Variants in SRGAP3 observed in about 807,000 individuals in gnomAD.
SRGAP3 encodes the protein SLIT-ROBO Rho GTPase activating protein 3, also known as SLIT-ROBO Rho GTPase-activating protein 3.
Under a neutral mutation model 121.1 loss-of-function variants are expected in SRGAP3, and 39 were observed. The ratio of observed to expected loss-of-function variants is 0.32; its 90% CI spans 0.25 to 0.42. The LOEUF is 0.42. Among genes scored for constraint, SRGAP3 ranks in the 10% least tolerant of loss-of-function variants. SRGAP3 has a pLI of 1.00. For synonymous variants in SRGAP3, 601 were observed against 570.0 expected (o/e 1.05, Z -0.77); for missense variants, 1,213 against 1,470.6 (o/e 0.82, Z 2.86).
intron 11 of SRGAP3, chr3:9,034,815 T>C (rs1388516737): frequency 6.6e-6 from 1 of 151,968 alleles, no homozygotes; most frequent in East Asian, 1.9e-4. Context: ...CAAAAGAGAG[T>C]GTCAAAAATG....
intron 18 of SRGAP3, among the ~76,000 whole-genome samples, chr3:9,001,845 T>G (rs1479330829): frequency 6.6e-6 from 1 of 152,066 alleles, no homozygotes; most frequent in Non-Finnish European, 1.5e-5. Flanking sequence ...TGATAAAAAT[T>G]TTGATCTATC....
chr3:9,044,215 C>T (rs780627346), intron 10 of SRGAP3, among the ~76,000 whole-genome samples: 2 of 152,202 alleles, frequency 1.3e-5, no homozygotes, highest in Non-Finnish European at 2.9e-5. Context: ...CAAAAGAGTA[C>T]AGCAGTCCAC....
chr3:9,298,360 G>A (rs996872403), intron 3 of SRGAP3, among the ~76,000 whole-genome samples: 1 of 152,282 alleles, frequency 6.6e-6, no homozygotes. Flanking sequence ...GAAGCTAGCT[G>A]ACTAACTCAA....
intron 1 of SRGAP3, among the ~76,000 whole-genome samples, chr3:9,339,285 G>T (rs749859877): frequency 6.6e-6 from 1 of 152,148 alleles, no homozygotes; most frequent in African/African-American, 2.4e-5. Flanking sequence ...TCCCACTTAC[G>T]ACTATACCAA....
intron 1 of SRGAP3, among the ~76,000 whole-genome samples, chr3:9,359,855 T>C (rs575768263): frequency 6.6e-6 from 1 of 152,364 alleles, no homozygotes; most frequent in Admixed American, 6.5e-5. Context: ...GTCTATTCAT[T>C]AGCTGATGAA....
chr3:9,197,376 T>C (rs557537964), intron 1 of SRGAP3, among the ~76,000 whole-genome samples: 3 of 152,376 alleles, frequency 2.0e-5, no homozygotes, highest in South Asian at 2.1e-4. Flanking sequence ...AATTGGGAGA[T>C]TGGCTCTGCC....
intron 21 of SRGAP3, among the ~76,000 whole-genome samples, chr3:8,989,717 A>G (rs1256574415): frequency 6.6e-6 from 1 of 152,256 alleles, no homozygotes; most frequent in Non-Finnish European, 1.5e-5. Flanking sequence ...AAACTGTTAA[A>G]CAAATCACAG....
intron 1 of SRGAP3, among the ~76,000 whole-genome samples, chr3:9,178,343 C>T (rs1335509649): frequency 2.0e-5 from 3 of 152,130 alleles, no homozygotes; most frequent in African/African-American, 7.2e-5. Flanking sequence ...AAGACTGAGG[C>T]TACCTGTGAC....
chr3:9,307,591 C>T (rs1955179428), intron 3 of SRGAP3, among the ~76,000 whole-genome samples: 1 of 152,104 alleles, frequency 6.6e-6, no homozygotes, highest in Non-Finnish European at 1.5e-5. Context: ...TACTTGAAAA[C>T]CATTTATAAA....
intron 1 of SRGAP3, among the ~76,000 whole-genome samples, chr3:9,192,109 A>G (rs1951770139): frequency 6.6e-6 from 1 of 152,184 alleles, no homozygotes; most frequent in Non-Finnish European, 1.5e-5. Flanking sequence ...ACTGGAGAGA[A>G]TCGTGGATGT....
intron 2 of SRGAP3, among the ~76,000 whole-genome samples, chr3:9,105,609 A>G (rs1948394334): frequency 6.6e-6 from 1 of 152,156 alleles, no homozygotes; most frequent in Admixed American, 6.5e-5. Context: ...GCTGAGTCAC[A>G]CACTCTGGGG....
intron 18 of SRGAP3, among the ~76,000 whole-genome samples, chr3:9,009,057 C>A (rs1039423994): frequency 6.6e-6 from 1 of 152,198 alleles, no homozygotes; most frequent in Non-Finnish European, 1.5e-5. Context: ...CTCCTGGATC[C>A]AGCTGTGCCT....
At chr3:9,053,522 T>C (rs1023769091) in intron 8 of SRGAP3, among the ~76,000 whole-genome samples, 1 of 152,232 alleles carries the variant, frequency 6.6e-6, no homozygotes, top group African/African-American at 2.4e-5. Flanking sequence ...CCCAGGTTTC[T>C]AGGTTTGTTT....
intron 1 of SRGAP3, among the ~76,000 whole-genome samples, chr3:9,170,109 T>C (rs540272542): frequency 1.3e-5 from 2 of 152,268 alleles, no homozygotes; most frequent in Non-Finnish European, 2.9e-5. Flanking sequence ...GAAGCACAGA[T>C]GAAATGATAG....
At position 9,031,195 on chromosome 3, in the gene SRGAP3, G is replaced by A. The variant is rs561101400; in HGVS notation, c.1539+1455C>T. On this transcript the variant is annotated intron_variant, in intron 12 of 21. Transcript: ENST00000383836. Reference sequence around the variant, plus strand: ...CTTTCTGCCTTTTGTGTTTAAAATTGCCCAAGCTCCACTACTGACTCCTTG... The same window carrying A: ...CTTTCTGCCTTTTGTGTTTAAAATTACCCAAGCTCCACTACTGACTCCTTG... Among the ~76,000 whole-genome samples the A allele has an allele frequency of 7.2e-5, 11 of 152,212 alleles. No individual in the cohort carries two copies. In the East Asian group the frequency reaches 9.6e-4, roughly 13 times the overall value.
intron 3 of SRGAP3, among the ~76,000 whole-genome samples, chr3:9,104,427 A>G (rs1346101569): frequency 6.6e-6 from 1 of 152,216 alleles, no homozygotes; most frequent in Non-Finnish European, 1.5e-5. Context: ...CTACTTACCT[A>G]GCCATGCAAA....
chr3:9,064,483 T>C lies in SRGAP3; in HGVS notation c.585A>G (p.Ser195=), dbSNP rs919932822. ...GGAGCAGGTTCATGCTGAGGTCTCC[T>C]GACTTATTGAACTGCTTCTCCTCCT... The part of the protein sequence containing the change: ...EKQEEKQFNK[S]GDLSMNLLRH... The change falls in exon 5 of 22, where the codon TCA becomes TCG. Residue 195 remains serine (S), a synonymous_variant. Transcript: ENST00000383836. The C allele has an allele frequency of 1.9e-6, 3 of 1,614,124 alleles. No individual in the cohort carries two copies. The highest frequency in any genetic ancestry group is 2.5e-6 in the Non-Finnish European group (3 of 1,180,052).
chr3:9,350,931 C>T (rs1253718567), intron 1 of SRGAP3, among the ~76,000 whole-genome samples: 2 of 152,122 alleles, frequency 1.3e-5, no homozygotes, highest in Admixed American at 1.3e-4. Flanking sequence ...CTTGTCATCC[C>T]GGGGGTTGGC....
At chr3:9,316,079 C>A (rs1237905016) in intron 3 of SRGAP3, among the ~76,000 whole-genome samples, 1 of 151,918 alleles carries the variant, frequency 6.6e-6, no homozygotes, top group Non-Finnish European at 1.5e-5. Context: ...GACAGAGTGT[C>A]CCTCTGTCAC....
Sources: allele counts gnomAD v4.1 joint callset (sites outside exome capture counted in the v4.1 genomes callset), GRCh38; gene constraint gnomAD v4.1.1; transcripts MANE v1.5; gene names NCBI Gene and HGNC (gene_info 2026-07-23, HGNC 2026-07-21).